The following PTPRJ variants were observed in gnomAD, a reference collection of about 807,000 sequenced individuals.
PTPRJ encodes protein tyrosine phosphatase receptor type J.
In PTPRJ, 129 loss-of-function variants were observed where a neutral mutation model predicts 141.3. That is an observed-to-expected ratio of 0.91 (90% CI 0.79 to 1.06). The LOEUF (loss-of-function observed/expected upper bound fraction) is 1.06. PTPRJ is among the 50% of genes least tolerant of loss of function. PTPRJ has a pLI of 0.00. For missense variants in PTPRJ, 1,601 were observed against 1,679.7 expected, an observed-to-expected ratio of 0.95 and a Z score of 0.82; for synonymous variants, 610 against 640.5, an observed-to-expected ratio of 0.95 and a Z score of 0.72.
rs774303519 is a variant in PTPRJ at position 48,136,274 on chromosome 11, C to G, written c.1851C>G (p.Pro617=). The G allele has an allele frequency of 2.5e-6, 4 of 1,614,034 alleles. No homozygotes were observed. In the African/African-American group the frequency reaches 4.0e-5, roughly 16 times the overall value. ...SPEVDHVWGD[P]NSTAQYTRPS... ...AAGTGGACCACGTCTGGGGGGACCC[C>G]AACTCCACTGCACAGTACACACGTA... Residue 617 remains proline, a synonymous_variant, in exon 9 of 25, where the codon CCC becomes CCG. Coordinates refer to ENST00000418331, the MANE Select transcript of PTPRJ (RefSeq NM_002843.4).
chr11:48,147,245 T>C (rs529387957), intron 15 of PTPRJ, among the ~76,000 whole-genome samples: 1 of 152,192 alleles, frequency 6.6e-6, no homozygotes, highest in Admixed American at 6.5e-5. Context: ...CATAGTATTA[T>C]GATGTTAAGA....
chr11:48,033,124 G>GAATA (rs1423385973), intron 1 of PTPRJ, among the ~76,000 whole-genome samples: 1 of 152,108 alleles, frequency 6.6e-6, no homozygotes, highest in East Asian at 1.9e-4. Context: ...TAGGGTAAGG[G>GAATA]AATACAGCGT....
intron 24 of PTPRJ, 110 bp from the exon 25 acceptor site, chr11:48,167,094 G>A (rs1857933164): frequency 1.0e-6 from 1 of 970,428 alleles, no homozygotes; most frequent in East Asian, 2.4e-5. Context: ...CTGTTGGGTG[G>A]ATGGGGTTTG....
chr11:48,007,890 C>T (rs1269657740), intron 1 of PTPRJ, among the ~76,000 whole-genome samples: 6 of 152,176 alleles, frequency 3.9e-5, no homozygotes, highest in East Asian at 1.9e-4. Context: ...GAAACCAAGG[C>T]GCAGAGAGGG....
At chr11:48,056,480 C>A (rs1240747227) in intron 1 of PTPRJ, among the ~76,000 whole-genome samples, 2 of 152,158 alleles carry the variant, frequency 1.3e-5, no homozygotes, top group Non-Finnish European at 2.9e-5. Flanking sequence ...GTAATGGCAG[C>A]TATTATCTTA....
At chr11:48,072,882 A>G (rs1330956721) in intron 1 of PTPRJ, among the ~76,000 whole-genome samples, 1 of 152,258 alleles carries the variant, frequency 6.6e-6, no homozygotes, top group Non-Finnish European at 1.5e-5. Context: ...TTTCTTGGAT[A>G]GTATTACATA....
intron 1 of PTPRJ, among the ~76,000 whole-genome samples, chr11:48,018,709 C>T (rs117503747): frequency 0.015 from 2,266 of 152,284 alleles, 29 homozygotes; most frequent in Non-Finnish European, 0.023. Flanking sequence ...TCCTTCCCTC[C>T]GAACTGGGGG....
At chr11:47,982,844 A>G (rs1300528694) in intron 1 of PTPRJ, among the ~76,000 whole-genome samples, 1 of 151,472 alleles carries the variant, frequency 6.6e-6, no homozygotes, top group Non-Finnish European at 1.5e-5. Flanking sequence ...GTATTTAGAT[A>G]TTTCCTTCCT....
intron 14 of PTPRJ, among the ~76,000 whole-genome samples, 155 bp downstream of exon 14, chr11:48,145,279 G>A (rs553409299): frequency 1.3e-5 from 2 of 152,116 alleles, no homozygotes; most frequent in African/African-American, 4.8e-5. Context: ...CTGGGTCACC[G>A]GGCTTACTGG....
chr11:48,129,086 G>A (rs1856908480), intron 7 of PTPRJ, among the ~76,000 whole-genome samples: 2 of 152,338 alleles, frequency 1.3e-5, no homozygotes, highest in Middle Eastern at 3.4e-3. Flanking sequence ...TGCTAGGCAG[G>A]ATGGGGATGA....
At chr11:48,147,639 T>A (rs1465050893) in intron 15 of PTPRJ, among the ~76,000 whole-genome samples, 1 of 152,192 alleles carries the variant, frequency 6.6e-6, no homozygotes, top group African/African-American at 2.4e-5. Flanking sequence ...TTGAACCTGG[T>A]CCTTGCACTT....
At chr11:48,018,915 G>C (rs1214072860) in intron 1 of PTPRJ, among the ~76,000 whole-genome samples, 1 of 152,130 alleles carries the variant, frequency 6.6e-6, no homozygotes, top group Non-Finnish European at 1.5e-5. Context: ...CCTTCTCCCC[G>C]ACCCCTCGCC....
intron 1 of PTPRJ, among the ~76,000 whole-genome samples, chr11:48,004,704 G>A (rs2134193674): frequency 6.6e-6 from 1 of 152,270 alleles, no homozygotes; most frequent in Middle Eastern, 3.4e-3. Flanking sequence ...AGGTCTTGCT[G>A]GGCAAATGCA....
At chr11:48,092,597 T>C (rs185275027) in intron 1 of PTPRJ, among the ~76,000 whole-genome samples, 131 of 152,092 alleles carry the variant, frequency 8.6e-4, no homozygotes, top group African/African-American at 3.0e-3. Flanking sequence ...ACCTGGCTAA[T>C]TTTTGTATTT....
At chr11:48,049,714 C>CAAAAAA (rs397713247) in intron 1 of PTPRJ, among the ~76,000 whole-genome samples, 1 of 50,610 alleles carries the variant, frequency 2.0e-5, no homozygotes, top group African/African-American at 7.0e-5. Context: ...AACTCTGTCT[C>CAAAAAA]AAAAAAAAAA....
rs1417453780 is a variant in PTPRJ, at chr11:48,155,861, C to T, written c.3290C>T (p.Ala1097Val). The T allele has an allele frequency of 1.2e-6, 2 of 1,605,282 alleles. No individual in the cohort carries two copies. The highest frequency in any genetic ancestry group is 1.7e-6 in the Non-Finnish European group (2 of 1,172,048). ...CATTCAACGGATGACTACATCAATG[C>T]CAACTACATGCCTGTAAGTTGGGGG... is the stretch of plus-strand genomic sequence containing the variant. Reference protein sequence around the residue: ...QTHSTDDYINANYMPGYHSKK... With the variant: ...QTHSTDDYINVNYMPGYHSKK... Residue 1097 changes from alanine (A) to valine (V), a missense_variant, in exon 20 of 25, where the codon GCC becomes GTC. Coordinates refer to ENST00000418331, the MANE Select transcript of PTPRJ (RefSeq NM_002843.4).
Position 47,980,765 on chromosome 11 carries a change from C to T in PTPRJ, c.-148C>T. 2 of 1,022,314 alleles carry T rather than the reference C, an allele frequency of 2.0e-6. No individual in the cohort carries two copies. The highest frequency in any genetic ancestry group is 1.2e-6 in the Non-Finnish European group (1 of 856,688). 63.3% of individuals were successfully genotyped at this position (1,022,314 alleles called of 1,614,324 possible). ...CCGCTGCCATGTCTCCGGGGAAGCC[C>T]GGGGCGGGCGGAGCGGGGACGAGGC... On this transcript the variant is annotated 5_prime_UTR_variant, in exon 1 of 25. Transcript: ENST00000418331.
chr11:48,016,686 T>G (rs1854957598), intron 1 of PTPRJ, among the ~76,000 whole-genome samples: 1 of 152,072 alleles, frequency 6.6e-6, no homozygotes, highest in African/African-American at 2.4e-5. Context: ...AGAAACTGAA[T>G]GAGAAGATGA....
intron 1 of PTPRJ, among the ~76,000 whole-genome samples, chr11:48,076,209 T>A (rs1169948671): frequency 6.6e-6 from 1 of 152,200 alleles, no homozygotes; most frequent in African/African-American, 2.4e-5. Flanking sequence ...CAGGAGCTGG[T>A]GTGGCTGGGG....
Sources: allele counts gnomAD v4.1 joint callset (sites outside exome capture counted in the v4.1 genomes callset), GRCh38; gene constraint gnomAD v4.1.1; transcripts MANE v1.5; gene names NCBI Gene and HGNC (gene_info 2026-07-23, HGNC 2026-07-21).